The following MYH2 variants were observed in gnomAD, a reference collection of about 807,000 sequenced individuals.
MYH2 encodes myosin heavy chain 2, also known as myosin-2.
A neutral mutation model predicts 228.1 loss-of-function variants in MYH2; 139 were observed. The ratio of observed to expected loss-of-function variants is 0.61; its 90% CI spans 0.53 to 0.70. MYH2 has a LOEUF of 0.70. Among genes scored for constraint, MYH2 ranks in the 30% least tolerant of loss-of-function variants. MYH2 has a pLI of 0.00. For missense variants in MYH2, 1,809 were observed against 2,357.5 expected (o/e 0.77, Z 4.82); for synonymous variants, 796 against 871.1 (o/e 0.91, Z 1.52).
chr17:10,533,772 A>G (rs964284179), intron 19 of MYH2, 140 bp from the exon 20 acceptor site: 9 of 1,243,600 alleles, frequency 7.2e-6, no homozygotes, highest in Non-Finnish European at 7.8e-6. Flanking sequence ...GTTTATTTGA[A>G]TGGTCAACCC....
chr17:10,522,914 A>G (rs1375947575), intron 39 of MYH2, among the ~76,000 whole-genome samples, 176 bp downstream of exon 39: 1 of 152,182 alleles, frequency 6.6e-6, no homozygotes, highest in Non-Finnish European at 1.5e-5. Flanking sequence ...TGGTGGATTG[A>G]AAGTTTACTT....
In MYH2 at chr17:10,537,952, T is replaced by G; in HGVS notation, c.1417-117A>C. 1 of 1,542,390 alleles carries G rather than the reference T, an allele frequency of 6.5e-7. No individual in the cohort carries two copies. Among genetic ancestry groups the G allele is most frequent in the Non-Finnish European group, 8.8e-7 (1 of 1,134,196 alleles). On this transcript the variant is annotated intron_variant, in intron 14 of 39. Coordinates refer to ENST00000245503, the MANE Select transcript of MYH2 (RefSeq NM_017534.6). The surrounding 1 kb of genome is among the most constrained non-coding windows in gnomAD (Gnocchi z 4.0). ...AGCCTTTATATTACAGATATTAAAA[T>G]CACTGGGTTAAAGAGACTTTGAAAT...
intron 17 of MYH2, among the ~76,000 whole-genome samples, chr17:10,536,107 T>G (rs1036910547): frequency 2.0e-5 from 3 of 152,216 alleles, no homozygotes; most frequent in Non-Finnish European, 4.4e-5. Flanking sequence ...AAATCCCTTC[T>G]TTCCAAAGTT....
rs2073303790 is a variant in MYH2 at position 10,523,097 on chromosome 17, T to C, written c.5666A>G (p.Glu1889Gly). ...AKVKSYKRQA[E>G]EAEEQSNTNL... ...AATCTTAAAAATACTTACAGCCTCC[T>C]CAGCTTGTCTCTTATAAGATTTCAC... The change falls in exon 39 of 40, where the codon GAG (glutamate) becomes GGG (glycine). Residue 1889 changes from glutamate to glycine, a missense_variant. Physicochemically the swap from Glu to Gly is moderately conservative, Grantham distance 98. Around this residue, in one of 9 missense-constraint regions of MYH2, gnomAD observed 278 missense variants for 308.5 expected, o/e 0.90. Transcript: ENST00000245503. 6.2e-7 allele frequency: 1 copy of C among 1,609,780 alleles called. No individual in the cohort carries two copies. The highest frequency in any genetic ancestry group is 1.3e-5 in the African/African-American group (1 of 74,866).
chr17:10,543,330 G>A (rs2142318675), intron 8 of MYH2, among the ~76,000 whole-genome samples, 169 bp from the exon 9 acceptor site: 1 of 152,166 alleles, frequency 6.6e-6, no homozygotes, highest in East Asian at 1.9e-4. Context: ...TTTTATCTTT[G>A]ATTTAAAAAT....
intron 29 of MYH2, 55 bp downstream of exon 29, chr17:10,526,883 G>C (rs2073362643): frequency 8.1e-6 from 13 of 1,612,738 alleles, no homozygotes; most frequent in Admixed American, 1.7e-5. Context: ...GGTATAACAG[G>C]CTCCATGTAG....
At chr17:10,547,972 T>A in intron 2 of MYH2, 32 bp from the exon 3 acceptor site, 1 of 1,570,490 alleles carries the variant, frequency 6.4e-7, no homozygotes, top group South Asian at 1.1e-5. Context: ...CATTAGAGAG[T>A]CTGGATTGCC....
rs756663657 is a variant in MYH2, at chr17:10,537,248, G to C, written c.1882C>G (p.Gln628Glu). ...TGAGCATTACCTCCTTCAGCAGTTT[G>C]AGCCCCAGAGAAGAGCTGAGCTAGA... ...KTLAQLFSGA[Q>E]TAEGEGAGGG... The change falls in exon 16 of 40, where the codon CAA (glutamine) becomes GAA (glutamate). Residue 628 changes from glutamine (Q) to glutamate (E), a missense_variant. Transcript: ENST00000245503. The surrounding 1 kb of genome is among the most constrained non-coding windows in gnomAD (Gnocchi z 4.0). The C allele has an allele frequency of 6.2e-7, 1 of 1,614,212 alleles. No individual in the cohort carries two copies.
Position 10,536,363 on chromosome 17 carries a change from C to T in MYH2, c.1974+167G>A, listed in dbSNP as rs9895977. Reference sequence around the variant, plus strand: ...AAAAGACGAGGGGAATTTTGCCCAGCGAGATGTCAAAGCATATTACAAAGT... The same window carrying T: ...AAAAGACGAGGGGAATTTTGCCCAGTGAGATGTCAAAGCATATTACAAAGT... On this transcript the variant is annotated intron_variant, in intron 17 of 39. Coordinates refer to ENST00000245503, the MANE Select transcript of MYH2 (RefSeq NM_017534.6). Among the ~76,000 whole-genome samples the T allele has an allele frequency of 5.0e-3, 753 of 151,850 alleles. 9 individuals carry two copies. Among genetic ancestry groups the T allele is most frequent in the African/African-American group, 0.017 (717 of 41,366 alleles).
chr17:10,545,743 C>A (rs2073621281), intron 4 of MYH2, among the ~76,000 whole-genome samples: 1 of 152,018 alleles, frequency 6.6e-6, no homozygotes, highest in Non-Finnish European at 1.5e-5. Flanking sequence ...TTTGTACGTG[C>A]TTTTTGTAGA....
rs774528127 is a variant in MYH2 at position 10,525,572 on chromosome 17, C to A, written c.4416G>T (p.Glu1472Asp). Residue 1472 changes from glutamate (E) to aspartate (D), a missense_variant, in exon 32 of 40, where the codon GAG becomes GAT. Transcript: ENST00000245503. The surrounding 1 kb of genome is among the most constrained non-coding windows in gnomAD (Gnocchi z 4.2). Reference protein sequence around the residue: ...WKQKCEETHAELEASQKEARS... With the variant: ...WKQKCEETHADLEASQKEARS... ...GGGCCTCCTTCTGGGAGGCCTCAAG[C>A]TCAGCATGCGTTTCCTCACATTTCT... 1.2e-6 allele frequency: 2 copies of A among 1,614,222 alleles called. No homozygotes were observed. The highest frequency in any genetic ancestry group is 2.2e-5 in the South Asian group (2 of 91,084).
At chr17:10,544,215 T>A (rs2073597126) in intron 5 of MYH2, 88 bp from the exon 6 acceptor site, 1 of 1,521,264 alleles carries the variant, frequency 6.6e-7, no homozygotes, top group African/African-American at 1.4e-5. Flanking sequence ...CTTAGTATTA[T>A]TCAGTCTGGA....
intron 38 of MYH2, 32 bp downstream of exon 38, chr17:10,523,276 A>G (rs745990605): frequency 6.2e-7 from 1 of 1,612,638 alleles, no homozygotes; most frequent in Non-Finnish European, 8.5e-7. Flanking sequence ...AACTTCGACC[A>G]GTGCTTAGCC....
At chr17:10,549,274 A>G (rs2073671903) in intron 2 of MYH2, 101 bp downstream of exon 2, 1 of 152,654 alleles carries the variant, frequency 6.6e-6, no homozygotes. Context: ...GTTAAAGGGT[A>G]TTTACTGAGA....
rs1297360031 is a variant in MYH2, at chr17:10,540,682, G to A, written c.920C>T (p.Thr307Ile). The A allele has an allele frequency of 6.2e-7, 1 of 1,607,964 alleles. No homozygotes were observed. Among genetic ancestry groups the A allele is most frequent in the Non-Finnish European group, 8.5e-7 (1 of 1,174,560 alleles). ...AAATGGGTAATCATATGGGTTCGTG[G>A]TAATCAGAAGCATTTCTAAGTACAG... ...KPELIEMLLITTNPYDYPFVS... is the reference protein window; with the variant it reads ...KPELIEMLLIITNPYDYPFVS... The change falls in exon 11 of 40, where the codon ACC (threonine) becomes ATC (isoleucine). Residue 307 changes from threonine (T) to isoleucine (I), a missense_variant. Transcript: ENST00000245503.
At chr17:10,546,452 A>G (rs183930342) in intron 4 of MYH2, among the ~76,000 whole-genome samples, 332 of 151,934 alleles carry the variant, frequency 2.2e-3, no homozygotes, top group African/African-American at 7.5e-3. Flanking sequence ...ATATGAATAT[A>G]GTATAATAAA....
At position 10,539,202 on chromosome 17, in the gene MYH2, C is replaced by T. The variant is rs1242041194; in HGVS notation, c.1416+3G>A. On this transcript the variant is annotated splice_donor_region_variant and intron_variant, in intron 14 of 39. Transcript: ENST00000245503. ...TCCTCTCACCAATCAGCTACAAACTCACATCAAAAATCTCAAAACCAGCAA... is the reference window on the plus strand; with the variant it reads ...TCCTCTCACCAATCAGCTACAAACTTACATCAAAAATCTCAAAACCAGCAA... 9 of 1,613,994 alleles carry T rather than the reference C, an allele frequency of 5.6e-6. No homozygotes were observed. The highest frequency in any genetic ancestry group is 1.3e-5 in the African/African-American group (1 of 74,896).
chr17:10,538,872 A>G (rs1337291502), intron 14 of MYH2, among the ~76,000 whole-genome samples: 2 of 152,168 alleles, frequency 1.3e-5, no homozygotes, highest in Non-Finnish European at 2.9e-5. Flanking sequence ...CTTAAAAGCT[A>G]ATTGCATTTG....
chr17:10,535,219 A>C (rs771806552), intron 18 of MYH2, 29 bp from the exon 19 acceptor site: 3 of 1,613,992 alleles, frequency 1.9e-6, no homozygotes, highest in Admixed American at 1.7e-5. Context: ...TTCACTGCAG[A>C]GCTGTTGAAA....
Sources: gnomAD v4.1 joint callset for allele counts (sites outside exome capture counted in the v4.1 genomes callset) on GRCh38, gnomAD v4.1.1 for gene constraint, gnomAD v4.1.1 regional missense constraint, Gnocchi (gnomAD v3.1) non-coding constraint, MANE v1.5 for transcripts, NCBI Gene and HGNC (gene_info 2026-07-23, HGNC 2026-07-21) for gene names.